Variants in NLGN4X observed in about 807,000 individuals in gnomAD.
NLGN4X encodes the protein neuroligin-4, X-linked.
Under a neutral mutation model 40.3 loss-of-function variants are expected in NLGN4X, and 3 were observed. That is an observed-to-expected ratio of 0.07 (90% confidence interval 0.03 to 0.19). The LOEUF is 0.19. Among genes scored for constraint, NLGN4X ranks in the 10% least tolerant of loss-of-function variants. The pLI is 1.00. For missense variants in NLGN4X, 382 were observed against 708.3 expected, an observed-to-expected ratio of 0.54 and a Z score of 5.23; for synonymous variants, 270 against 306.8, an observed-to-expected ratio of 0.88 and a Z score of 1.25.
intron 3 of NLGN4X, among the ~76,000 whole-genome samples, chrX:6,028,673 A>G (rs1469020485): frequency 1.8e-5 from 2 of 110,845 alleles, no homozygotes; most frequent in East Asian, 2.8e-4. Context: ...AAAAAAAAAA[A>G]AAAGAAAGAA....
chrX:6,178,008 A>G (rs952111184), intron 1 of NLGN4X, among the ~76,000 whole-genome samples: 3 of 111,259 alleles, frequency 2.7e-5, no homozygotes, highest in African/African-American at 9.9e-5. Flanking sequence ...CTCACCAGAC[A>G]CTGAATCTGC....
Position 6,116,391 on chromosome X carries a change from C to CTTTTTTTTTTTTTTT in NLGN4X, c.472+34589_472+34603dup, listed in dbSNP as rs1157468420. On this transcript the variant is annotated intron_variant, in intron 2 of 5. Coordinates refer to ENST00000381095, the MANE Select transcript of NLGN4X (RefSeq NM_181332.3). Reference sequence around the variant, plus strand: ...ACAAGTAGGTATTGAACCTTTCTTTCTTTTTTTTTTTTTTTTTTTTTTTTT... The same window carrying CTTTTTTTTTTTTTTT: ...ACAAGTAGGTATTGAACCTTTCTTTCTTTTTTTTTTTTTTTTTTTTTTTTTTTTTTTTTTTTTTTT... Among the ~76,000 whole-genome samples, 17 of 22,286 alleles carry CTTTTTTTTTTTTTTT rather than the reference C, an allele frequency of 7.6e-4. 4 individuals are homozygous for CTTTTTTTTTTTTTTT. Among genetic ancestry groups the CTTTTTTTTTTTTTTT allele is most frequent in the African/African-American group, 3.2e-3 (17 of 5,351 alleles). The allele number at this position is 22,286 out of a possible 115,157, so 19.4% of individuals were successfully genotyped here. A position where few individuals can be genotyped will look rare whatever the true frequency, so the allele number is the denominator to read the frequency against.
chrX:6,110,935 T>G (rs1446588455), intron 2 of NLGN4X, among the ~76,000 whole-genome samples: 1 of 111,422 alleles, frequency 9.0e-6, no homozygotes, highest in Non-Finnish European at 1.9e-5. Flanking sequence ...ACAGGTGCGT[T>G]ACTGAAAGCT....
chrX:6,227,479 G>A (rs932174909), intron 1 of NLGN4X, among the ~76,000 whole-genome samples: 1 of 109,174 alleles, frequency 9.2e-6, no homozygotes, highest in Non-Finnish European at 1.9e-5. Context: ...GGGCAGTTCA[G>A]AGATGGTTCC....
rs57429713 is a variant in NLGN4X at position 6,077,310 on chromosome X, GGT to G, written c.473-47880_473-47879del. Among the ~76,000 whole-genome samples the G allele has an allele frequency of 3.3e-3, 341 of 102,487 alleles. 1 individual carries two copies. Among genetic ancestry groups the G allele is most frequent in the Non-Finnish European group, 2.5e-3 (123 of 49,775 alleles). 89.0% of individuals were successfully genotyped at this position (102,487 alleles called of 115,157 possible). On this transcript the variant is annotated intron_variant, in intron 2 of 5. Transcript: ENST00000381095. ...TGTGTGTGTGTCTGTGTGTGTGTGT[GGT>G]GTGTGTGTGTGTGTGACAGGGTCTC...
At chrX:6,118,615 C>T (rs1414722075) in intron 2 of NLGN4X, among the ~76,000 whole-genome samples, 1 of 111,590 alleles carries the variant, frequency 9.0e-6, no homozygotes, top group Admixed American at 9.6e-5. Context: ...CTCCCTTGAG[C>T]GTATTATTGC....
At chrX:6,132,834 A>C (rs944030335) in intron 2 of NLGN4X, among the ~76,000 whole-genome samples, 1 of 111,002 alleles carries the variant, frequency 9.0e-6, no homozygotes, top group Non-Finnish European at 1.9e-5. Context: ...CATGTGGATC[A>C]GCAGCTAGCA....
intron 3 of NLGN4X, among the ~76,000 whole-genome samples, chrX:5,953,843 G>A (rs770114790): frequency 8.9e-6 from 1 of 111,919 alleles, no homozygotes; most frequent in East Asian, 2.8e-4. Flanking sequence ...AGCATTATTG[G>A]CAATGATAGG....
chrX:6,044,226 T>C (rs779752446), intron 2 of NLGN4X, among the ~76,000 whole-genome samples: 58 of 111,751 alleles, frequency 5.2e-4, no homozygotes, highest in African/African-American at 1.9e-3. Context: ...CAGGCTGCAG[T>C]GAGCTATAAT....
chrX:5,948,864 G>A (rs1434627202), intron 3 of NLGN4X, among the ~76,000 whole-genome samples: 1 of 111,965 alleles, frequency 8.9e-6, no homozygotes, highest in Non-Finnish European at 1.9e-5. Context: ...AGTCAGCTAA[G>A]GGATAGGAAG....
At chrX:6,052,643 C>T (rs753414117) in intron 2 of NLGN4X, among the ~76,000 whole-genome samples, 20 of 112,115 alleles carry the variant, frequency 1.8e-4, no homozygotes, top group Admixed American at 2.8e-4. Flanking sequence ...CCAAATTGGC[C>T]ACCTCCATCT....
At chrX:6,107,715 G>GT (rs2039061577) in intron 2 of NLGN4X, among the ~76,000 whole-genome samples, 1 of 111,342 alleles carries the variant, frequency 9.0e-6, no homozygotes, top group African/African-American at 3.3e-5. Flanking sequence ...CCTTTCCCTT[G>GT]TTTGAGTCCC....
intron 1 of NLGN4X, among the ~76,000 whole-genome samples, chrX:6,197,057 A>G (rs1401669617): frequency 7.2e-5 from 8 of 111,364 alleles, no homozygotes; most frequent in African/African-American, 2.3e-4. Context: ...GATGTGATTC[A>G]CTCTCGCAAA....
chrX:5,919,071 A>C (rs1422781133), intron 3 of NLGN4X, among the ~76,000 whole-genome samples: 2 of 112,497 alleles, frequency 1.8e-5, no homozygotes, highest in Non-Finnish European at 3.7e-5. Flanking sequence ...TAATTAAACA[A>C]AAAAATGATT....
intron 2 of NLGN4X, among the ~76,000 whole-genome samples, chrX:6,051,391 A>G (rs750259286): frequency 1.8e-5 from 2 of 111,609 alleles, no homozygotes; most frequent in South Asian, 7.6e-4. Flanking sequence ...GTGATCACGT[A>G]ATTTCTTTGG....
chrX:6,008,599 T>A (rs1202171412), intron 3 of NLGN4X, among the ~76,000 whole-genome samples: 11 of 112,216 alleles, frequency 9.8e-5, no homozygotes, highest in Admixed American at 2.8e-4. Context: ...TTGCAGGATA[T>A]GAGATACTGA....
At chrX:6,018,440 G>A (rs780071587) in intron 3 of NLGN4X, among the ~76,000 whole-genome samples, 14 of 111,933 alleles carry the variant, frequency 1.3e-4, no homozygotes, top group South Asian at 1.1e-3. Context: ...TGTACAAATC[G>A]TAGTGTTTCT....
intron 3 of NLGN4X, among the ~76,000 whole-genome samples, chrX:5,966,695 G>C (rs2034844305): frequency 8.9e-6 from 1 of 112,086 alleles, no homozygotes; most frequent in Non-Finnish European, 1.9e-5. Context: ...TCTTGAGGGA[G>C]ATACAAGCAT....
At chrX:5,955,297 G>A (rs1369436647) in intron 3 of NLGN4X, among the ~76,000 whole-genome samples, 1 of 111,694 alleles carries the variant, frequency 9.0e-6, no homozygotes, top group East Asian at 2.8e-4. Flanking sequence ...TGACGTGTCA[G>A]GTAAGAAAAT....
Sources: gnomAD v4.1 joint callset for allele counts (sites outside exome capture counted in the v4.1 genomes callset) on GRCh38, gnomAD v4.1.1 for gene constraint, MANE v1.5 for transcripts, NCBI Gene and HGNC (gene_info 2026-07-23, HGNC 2026-07-21) for gene names.